The following DISC1 variants were observed in gnomAD, a reference collection of about 807,000 sequenced individuals.
The protein encoded by DISC1 is DISC1 scaffold protein.
DISC1 carries 57 observed loss-of-function variants against 84.5 expected under a neutral mutation model. That is an observed-to-expected ratio of 0.67 (90% CI 0.55 to 0.84). The LOEUF (loss-of-function observed/expected upper bound fraction) is 0.84, where lower values mean the gene tolerates loss of function less well. DISC1 is among the 40% of genes least tolerant of loss of function. The pLI, the probability that DISC1 is intolerant of heterozygous loss-of-function variation, is 0.00. For synonymous variants in DISC1, 411 were observed against 415.2 expected (o/e 0.99, Z 0.12); for missense variants, 1,000 against 1,057.8 (o/e 0.95, Z 0.76).
rs561790473 is a variant in DISC1, at chr1:231,840,057, T to G, written c.1981+21540T>G. On this transcript the variant is annotated intron_variant, in intron 9 of 12. Coordinates refer to ENST00000439617, the MANE Select transcript of DISC1 (RefSeq NM_018662.3). ...CAAAAGTCGATGATTAAACACAGTC[T>G]CATATAAATGTTCTACCTCAAAAAA... is the stretch of plus-strand genomic sequence containing the variant. Among the ~76,000 whole-genome samples the G allele has an allele frequency of 2.0e-5, 3 of 152,274 alleles. No homozygotes were observed. The East Asian group carries it at 5.8e-4, about 29-fold the overall frequency.
chr1:231,868,582 A>G (rs888669527), intron 9 of DISC1, among the ~76,000 whole-genome samples: 2 of 151,536 alleles, frequency 1.3e-5, no homozygotes, highest in Non-Finnish European at 2.9e-5. Context: ...TCAGCAAACC[A>G]GGCGCAGTGG....
chr1:231,761,410 C>T (rs940143011), intron 4 of DISC1, among the ~76,000 whole-genome samples: 6 of 152,286 alleles, frequency 3.9e-5, no homozygotes, highest in South Asian at 2.1e-4. Context: ...ATTTGAAAGA[C>T]GGAAGCCTGT....
chr1:231,902,851 C>T (rs1015758440), intron 9 of DISC1, among the ~76,000 whole-genome samples: 3 of 152,112 alleles, frequency 2.0e-5, no homozygotes, highest in African/African-American at 4.8e-5. Context: ...CAACATGATG[C>T]TCAAATAAAG....
rs73091711 is a variant in DISC1, at chr1:231,829,327, C to T, written c.1981+10810C>T. Among the ~76,000 whole-genome samples the T allele has an allele frequency of 2.3e-3, 350 of 152,196 alleles. 2 individuals are homozygous for T. Among genetic ancestry groups the T allele is most frequent in the African/African-American group, 8.1e-3 (336 of 41,512 alleles). On this transcript the variant is annotated intron_variant, in intron 9 of 12. Transcript: ENST00000439617. ...GTATTTAATTCATGCCTTGTTTTTG[C>T]ATATCTTTGACTAATACATTCAACT...
chr1:231,714,540 G>A (rs1213274144), intron 3 of DISC1, among the ~76,000 whole-genome samples: 3 of 151,954 alleles, frequency 2.0e-5, no homozygotes, highest in African/African-American at 4.8e-5. Flanking sequence ...TCACAGATAT[G>A]TATGAAACAG....
At chr1:231,852,265 G>T (rs1484651076) in intron 9 of DISC1, among the ~76,000 whole-genome samples, 2 of 152,186 alleles carry the variant, frequency 1.3e-5, no homozygotes, top group African/African-American at 4.8e-5. Context: ...ATATCTGAAG[G>T]TGACATTTGG....
intron 7 of DISC1, among the ~76,000 whole-genome samples, chr1:231,798,395 A>G (rs933836675): frequency 2.6e-5 from 4 of 152,190 alleles, no homozygotes; most frequent in Admixed American, 6.6e-5. Context: ...TAGTATTAAT[A>G]TTGACAGCTT....
chr1:231,916,302 A>G (rs1469890214), intron 9 of DISC1, among the ~76,000 whole-genome samples: 2 of 152,182 alleles, frequency 1.3e-5, no homozygotes, highest in Non-Finnish European at 1.5e-5. Flanking sequence ...ACAGAAGCAC[A>G]TTGCATTTAA....
At position 232,040,620 on chromosome 1, in the gene DISC1, C is replaced by G. The variant is rs889747755; in HGVS notation, c.*3789C>G. ...CAGCATGCTCTTAACTAGTGCTCTT[C>G]CTAAAGTTCCTTTAATGTCCTTTTG... is the stretch of plus-strand genomic sequence containing the variant. On this transcript the variant is annotated 3_prime_UTR_variant, in exon 13 of 13. Transcript: ENST00000439617. The G allele has an allele frequency of 1.3e-5, 2 of 152,176 alleles. No homozygotes were observed. Among genetic ancestry groups the G allele is most frequent in the African/African-American group, 4.8e-5 (2 of 41,432 alleles). The allele number at this position is 152,176 out of a possible 1,614,324, so 9.4% of individuals were successfully genotyped here. A position where few individuals can be genotyped will look rare whatever the true frequency, so the allele number is the denominator to read the frequency against.
intron 3 of DISC1, among the ~76,000 whole-genome samples, chr1:231,736,812 A>T (rs1030650117): frequency 6.6e-6 from 1 of 152,136 alleles, no homozygotes; most frequent in Non-Finnish European, 1.5e-5. Flanking sequence ...GCTTTAAAAG[A>T]CCTCCTTAGA....
chr1:231,913,064 T>A (rs529242211), intron 9 of DISC1, among the ~76,000 whole-genome samples: 1 of 152,104 alleles, frequency 6.6e-6, no homozygotes, highest in East Asian at 1.9e-4. Flanking sequence ...CACACCACTA[T>A]GCCCAGCTAA....
chr1:231,762,134 TTTCTTTCTTTCC>T (rs1045204204), intron 4 of DISC1, among the ~76,000 whole-genome samples: 2 of 150,714 alleles, frequency 1.3e-5, no homozygotes, highest in African/African-American at 4.9e-5. Context: ...TTTTCTTTTC[TTTCTTTCTTTCC>T]TTCTTTCTTT....
At chr1:231,922,977 G>A (rs897936515) in intron 9 of DISC1, among the ~76,000 whole-genome samples, 13 of 152,078 alleles carry the variant, frequency 8.5e-5, no homozygotes, top group Non-Finnish European at 1.6e-4. Context: ...TACCTATACT[G>A]ATTCAAAAAA....
chr1:231,793,186 T>A (rs1042484942), intron 6 of DISC1, among the ~76,000 whole-genome samples: 13 of 152,168 alleles, frequency 8.5e-5, no homozygotes, highest in Admixed American at 7.2e-4. Context: ...GCAGCTTAGC[T>A]CCGATACTTG....
chr1:231,776,593 C>T lies in DISC1; in HGVS notation c.1634+5523C>T, dbSNP rs144537286. On this transcript the variant is annotated intron_variant, in intron 6 of 12. Coordinates refer to ENST00000439617, the MANE Select transcript of DISC1 (RefSeq NM_018662.3). ...TGCCCCCAGCCACTAGCTAAACTGC[C>T]CAGGGCTCCCTGGCGGGGGGCACTG... 8.5e-4 allele frequency among the ~76,000 whole-genome samples: 130 copies of T among 152,298 alleles called. 3 individuals are homozygous for T. In the East Asian group the frequency reaches 0.021, roughly 25 times the overall value.
At chr1:231,959,189 G>GA in intron 10 of DISC1, 1 of 1,050,322 alleles carries the variant, frequency 9.5e-7, no homozygotes, top group Non-Finnish European at 1.1e-6. Context: ...TCATTCCTTA[G>GA]TCTGTTTTTC....
At chr1:231,884,300 A>C (rs777142185) in intron 9 of DISC1, among the ~76,000 whole-genome samples, 16 of 152,176 alleles carry the variant, frequency 1.1e-4, no homozygotes, top group Non-Finnish European at 2.1e-4. Context: ...CAGAAAATCC[A>C]TGTGTACTCA....
intron 9 of DISC1, among the ~76,000 whole-genome samples, chr1:231,918,702 A>G (rs879040165): frequency 1.3e-5 from 2 of 152,210 alleles, no homozygotes; most frequent in Non-Finnish European, 2.9e-5. Flanking sequence ...AGGATTCCTC[A>G]GTATTTTTAG....
At chr1:231,834,416 G>C (rs941231004) in intron 9 of DISC1, among the ~76,000 whole-genome samples, 3 of 152,160 alleles carry the variant, frequency 2.0e-5, no homozygotes, top group African/African-American at 4.8e-5. Flanking sequence ...TGGGAACAGA[G>C]ACTAGGGAGG....
Sources: allele counts gnomAD v4.1 joint callset (sites outside exome capture counted in the v4.1 genomes callset), GRCh38; gene constraint gnomAD v4.1.1; transcripts MANE v1.5; gene names NCBI Gene and HGNC (gene_info 2026-07-23, HGNC 2026-07-21).